Variants in GHR observed in about 807,000 individuals in gnomAD.
GHR encodes the protein GH receptor.
A neutral mutation model predicts 67.1 loss-of-function variants in GHR; 35 were observed. That is an observed-to-expected ratio of 0.52 (90% confidence interval 0.40 to 0.69). The LOEUF (loss-of-function observed/expected upper bound fraction) is 0.69, where lower values mean the gene tolerates loss of function less well. Ranked by LOEUF, GHR falls within the 30% of genes least tolerant of loss-of-function variation. GHR has a pLI of 0.00. For missense variants in GHR, 792 were observed against 764.6 expected, an observed-to-expected ratio of 1.04 and a Z score of -0.42; for synonymous variants, 272 against 269.1, an observed-to-expected ratio of 1.01 and a Z score of -0.10.
intron 1 of GHR, among the ~76,000 whole-genome samples, chr5:42,474,325 G>GAAAGAAAGAAAGAAAGAA (rs1554054628): frequency 2.3e-5 from 3 of 132,448 alleles, no homozygotes; most frequent in East Asian, 3.9e-4. Context: ...AAGAAAGAAA[G>GAAAGAAAGAAAGAAAGAA]AAAGAAAGAA....
At chr5:42,456,092 C>G (rs969063049) in intron 1 of GHR, among the ~76,000 whole-genome samples, 2 of 152,214 alleles carry the variant, frequency 1.3e-5, no homozygotes, top group Admixed American at 1.3e-4. Context: ...ACGGGCAGAT[C>G]ACAAGGTCAA....
intron 2 of GHR, among the ~76,000 whole-genome samples, chr5:42,608,843 A>T (rs1752752466): frequency 6.6e-6 from 1 of 152,184 alleles, no homozygotes; most frequent in Non-Finnish European, 1.5e-5. Flanking sequence ...AAGTATACAA[A>T]GCAAAGGGAT....
At chr5:42,467,516 T>C in intron 1 of GHR, 18 of 1,196,804 alleles carry the variant, frequency 1.5e-5, no homozygotes, top group Non-Finnish European at 2.1e-5. Context: ...AGTTGTGAGC[T>C]ATAACTAAAG....
chr5:42,553,564 T>C (rs1749151258), intron 1 of GHR, among the ~76,000 whole-genome samples: 1 of 152,240 alleles, frequency 6.6e-6, no homozygotes, highest in Admixed American at 6.5e-5. Context: ...ATTCTGCTTT[T>C]ACAGGCTCAG....
intron 1 of GHR, among the ~76,000 whole-genome samples, chr5:42,551,324 G>A (rs370136616): frequency 3.1e-4 from 47 of 152,240 alleles, no homozygotes; most frequent in African/African-American, 1.1e-3. Context: ...GCACAGAGGA[G>A]TTAACAGCTA....
At chr5:42,713,980 C>G (rs1758597281) in intron 8 of GHR, 1 of 157,298 alleles carries the variant, frequency 6.4e-6, no homozygotes, top group Non-Finnish European at 1.4e-5. Flanking sequence ...ATGGCGCAAT[C>G]TTGGCTCACT....
At chr5:42,541,257 A>G (rs1412910740) in intron 1 of GHR, among the ~76,000 whole-genome samples, 1 of 152,178 alleles carries the variant, frequency 6.6e-6, no homozygotes, top group Admixed American at 6.5e-5. Context: ...TAAGTAGTAT[A>G]AGGATTATTA....
At chr5:42,527,468 G>A (rs1251990624) in intron 1 of GHR, among the ~76,000 whole-genome samples, 2 of 152,046 alleles carry the variant, frequency 1.3e-5, no homozygotes, top group African/African-American at 2.4e-5. Flanking sequence ...ACAAAGAAGG[G>A]CATTACATAA....
chr5:42,707,775 T>C (rs1758249925), intron 6 of GHR, among the ~76,000 whole-genome samples: 1 of 151,928 alleles, frequency 6.6e-6, no homozygotes. Context: ...CTCTACACTT[T>C]TACTCCACAT....
intron 2 of GHR, among the ~76,000 whole-genome samples, chr5:42,605,246 G>A (rs1752574035): frequency 6.6e-6 from 1 of 151,830 alleles, no homozygotes; most frequent in African/African-American, 2.4e-5. Flanking sequence ...TGGGATTACA[G>A]GCATGCACCA....
In GHR at chr5:42,719,771, A is replaced by C; in HGVS notation, c.*347A>C. 1 of 303,304 alleles carries C rather than the reference A, an allele frequency of 3.3e-6. No homozygotes were observed. Among genetic ancestry groups the C allele is most frequent in the South Asian group, 3.5e-5 (1 of 28,422 alleles). The allele number at this position is 303,304 out of a possible 1,614,324, so 18.8% of individuals were successfully genotyped here. On this transcript the variant is annotated 3_prime_UTR_variant, in exon 10 of 10. Coordinates refer to ENST00000230882, the MANE Select transcript of GHR (RefSeq NM_000163.5). The stretch of plus-strand genomic sequence containing the variant: ...AATCACGCTTTTTGAAAAAGCGAAA[A>C]AATCAGGTGGCTTTTGCGGTTCAGG...
At chr5:42,625,696 AT>A (rs1753667161) in intron 2 of GHR, among the ~76,000 whole-genome samples, 1 of 151,856 alleles carries the variant, frequency 6.6e-6, no homozygotes, top group Non-Finnish European at 1.5e-5. Flanking sequence ...CTGGTTGACA[AT>A]TAGTTGAGTT....
At chr5:42,615,162 G>A (rs774286939) in intron 2 of GHR, among the ~76,000 whole-genome samples, 5 of 151,682 alleles carry the variant, frequency 3.3e-5, no homozygotes, top group Non-Finnish European at 7.4e-5. Flanking sequence ...ATTTAAACAT[G>A]GACTGTTAAC....
At chr5:42,602,191 T>C (rs760442127) in intron 2 of GHR, among the ~76,000 whole-genome samples, 2 of 152,176 alleles carry the variant, frequency 1.3e-5, no homozygotes, top group Non-Finnish European at 2.9e-5. Flanking sequence ...TCCAGAAATC[T>C]ACTCTATTAA....
intron 1 of GHR, among the ~76,000 whole-genome samples, chr5:42,433,642 T>A (rs1218809179): frequency 6.6e-6 from 1 of 152,096 alleles, no homozygotes; most frequent in Non-Finnish European, 1.5e-5. Flanking sequence ...TACATTTATT[T>A]AGAGAGAAGG....
At chr5:42,679,210 A>C (rs1220432224) in intron 3 of GHR, among the ~76,000 whole-genome samples, 1 of 146,420 alleles carries the variant, frequency 6.8e-6, no homozygotes, top group Non-Finnish European at 1.5e-5. Flanking sequence ...ACATACTATT[A>C]TTAATATTTT....
chr5:42,586,727 AC>A (rs1751495876), intron 2 of GHR, among the ~76,000 whole-genome samples: 1 of 151,758 alleles, frequency 6.6e-6, no homozygotes, highest in Non-Finnish European at 1.5e-5. Flanking sequence ...CTCTTCCCCC[AC>A]CCTCACCAAG....
intron 1 of GHR, chr5:42,548,615 T>C (rs1363151046): frequency 2.6e-6 from 1 of 383,630 alleles, no homozygotes; most frequent in East Asian, 1.6e-4. Flanking sequence ...ATTTTTTAGA[T>C]ATAAATCTTT....
intron 3 of GHR, among the ~76,000 whole-genome samples, chr5:42,652,198 A>G (rs1755047359): frequency 6.6e-6 from 1 of 152,200 alleles, no homozygotes; most frequent in African/African-American, 2.4e-5. Flanking sequence ...ACTATAGGGA[A>G]TTCTGAACTT....
Sources: allele counts gnomAD v4.1 joint callset (sites outside exome capture counted in the v4.1 genomes callset), GRCh38; gene constraint gnomAD v4.1.1; transcripts MANE v1.5; gene names NCBI Gene and HGNC (gene_info 2026-07-23, HGNC 2026-07-21).